Variants in GCC2 observed in about 807,000 individuals in gnomAD.
GCC2 encodes the protein GRIP and coiled-coil domain containing 2.
Under a neutral mutation model 210.6 loss-of-function variants are expected in GCC2, and 120 were observed. The observed-to-expected ratio is 0.57, with a 90% CI of 0.49 to 0.66. GCC2 has a LOEUF of 0.66. GCC2 is among the 30% of genes least tolerant of loss of function. The pLI is 0.00. For synonymous variants in GCC2, 703 were observed against 652.7 expected (o/e 1.08, Z -1.17); for missense variants, 1,868 against 1,871.9 (o/e 1.00, Z 0.04).
At chr2:108,467,521 C>T (rs761860912) in intron 4 of GCC2, among the ~76,000 whole-genome samples, 4 of 152,072 alleles carry the variant, frequency 2.6e-5, no homozygotes, top group Non-Finnish European at 5.9e-5. Flanking sequence ...CGCCTGTTAC[C>T]TAGGCTCAAA....
chr2:108,480,832 T>G (rs1483909497), intron 9 of GCC2, among the ~76,000 whole-genome samples: 2 of 151,142 alleles, frequency 1.3e-5, no homozygotes, highest in Admixed American at 1.3e-4. Context: ...GGTGAAATAA[T>G]CTGTACAACA....
In GCC2 at chr2:108,475,604, C is replaced by A; in HGVS notation, c.2930C>A (p.Ala977Glu). The A allele has an allele frequency of 6.5e-7, 1 of 1,539,076 alleles. No homozygotes were observed. Among genetic ancestry groups the A allele is most frequent in the Non-Finnish European group, 8.7e-7 (1 of 1,144,812 alleles). ...AAGATAAAATTAGTTGCCGTAAAGGCAAAGAAAGAACTAGATTCCAGCAGA... is the reference window on the plus strand; with the variant it reads ...AAGATAAAATTAGTTGCCGTAAAGGAAAAGAAAGAACTAGATTCCAGCAGA... ...INKIKLVAVK[A>E]KKELDSSRKE... Residue 977 changes from alanine to glutamate, a missense_variant, in exon 8 of 23, where the codon GCA becomes GAA. Ala to Glu is a moderately radical substitution (Grantham distance 107). Coordinates refer to ENST00000309863, the MANE Select transcript of GCC2 (RefSeq NM_181453.4).
At chr2:108,455,492 T>C (rs1454420912) in intron 4 of GCC2, among the ~76,000 whole-genome samples, 2 of 152,282 alleles carry the variant, frequency 1.3e-5, no homozygotes, top group East Asian at 3.9e-4. Context: ...AGGTTTTTTT[T>C]CTTTTCCTTC....
At chr2:108,456,885 G>A (rs1323858998) in intron 4 of GCC2, among the ~76,000 whole-genome samples, 6 of 151,586 alleles carry the variant, frequency 4.0e-5, no homozygotes, top group African/African-American at 1.5e-4. Flanking sequence ...GGAGGTTGAG[G>A]CTGCTGTGAG....
In GCC2 at chr2:108,486,507, C is replaced by G. The variant is rs755901966; in HGVS notation, c.3793-4C>G. On this transcript the variant is annotated splice_polypyrimidine_tract_variant and splice_region_variant and intron_variant, in intron 15 of 22. Transcript: ENST00000309863. ...TAAAGCTAAATTTAAAGATTTACCC[C>G]CAGATACAGCTGGCTGAAATAACAT... 1.9e-6 allele frequency: 3 copies of G among 1,613,906 alleles called. No individual in the cohort carries two copies. Among genetic ancestry groups the G allele is most frequent in the Non-Finnish European group, 1.7e-6 (2 of 1,179,872 alleles).
At chr2:108,473,853 G>A (rs1174176249) in intron 7 of GCC2, among the ~76,000 whole-genome samples, 9 of 152,022 alleles carry the variant, frequency 5.9e-5, no homozygotes, top group African/African-American at 2.2e-4. Context: ...TTAAAGAGTG[G>A]TCATTAAAAG....
At chr2:108,468,369 A>G (rs2718709) in intron 4 of GCC2, among the ~76,000 whole-genome samples, 28,714 of 151,978 alleles carry the variant, frequency 0.19, 3,022 homozygotes, top group African/African-American at 0.27. Context: ...CCCGACTTAC[A>G]TAGATATGCT....
In GCC2 at chr2:108,470,444, T is replaced by C. The variant is rs534102235; in HGVS notation, c.1115T>C (p.Ile372Thr). ...KLKLEMDAQH[I>T]KDEFFHERED... ...AAACTTGAAATGGATGCTCAACATATAAAGGATGAGTTTTTTCATGAACGG... is the reference window on the plus strand; with the variant it reads ...AAACTTGAAATGGATGCTCAACATACAAAGGATGAGTTTTTTCATGAACGG... The change falls in exon 6 of 23, where the codon ATA becomes ACA. Residue 372 changes from isoleucine (I) to threonine (T), a missense_variant. Around this residue, in one of 3 missense-constraint regions of GCC2, gnomAD observed 1,847 missense variants for 1,765.2 expected, o/e 1.05. Coordinates refer to ENST00000309863, the MANE Select transcript of GCC2 (RefSeq NM_181453.4). 2.5e-5 allele frequency: 40 copies of C among 1,607,076 alleles called. No homozygotes were observed. The South Asian group carries it at 3.2e-4, about 13-fold the overall frequency.
At position 108,489,797 on chromosome 2, in the gene GCC2, C is replaced by A. The variant is rs1682318543; in HGVS notation, c.4053-41C>A. The A allele has an allele frequency of 4.9e-6, 7 of 1,424,010 alleles. No homozygotes were observed. The South Asian group carries it at 8.0e-5, about 16-fold the overall frequency. The allele number at this position is 1,424,010 out of a possible 1,614,324, so 88.2% of individuals were successfully genotyped here. A position where few individuals can be genotyped will look rare whatever the true frequency, so the allele number is the denominator to read the frequency against. On this transcript the variant is annotated intron_variant, in intron 17 of 22. Coordinates refer to ENST00000309863, the MANE Select transcript of GCC2 (RefSeq NM_181453.4). ...ATTTAAAACCACAAAATCAAATTCA[C>A]CTTTTTCAAAAAATTTTAAAACTGT...
At chr2:108,467,424 A>T (rs1300693117) in intron 4 of GCC2, among the ~76,000 whole-genome samples, 1 of 152,204 alleles carries the variant, frequency 6.6e-6, no homozygotes, top group South Asian at 2.1e-4. Context: ...TTTTTTATAT[A>T]AACAGTCATA....
Position 108,492,728 on chromosome 2 carries a change from A to G in GCC2, c.4385A>G (p.Gln1462Arg), listed in dbSNP as rs1682467833. The change falls in exon 19 of 23, where the codon CAG becomes CGG. Residue 1462 changes from glutamine (Q) to arginine (R), a missense_variant. By Grantham distance (43) the Gln-to-Arg change is conservative (BLOSUM62 1). Transcript: ENST00000309863. ...EEHRKTVETL[Q>R]QQLSKMEAQL... ...CACAGAAAGACAGTGGAGACATTAC[A>G]GCAGCAGCTCTCCAAGATGGAAGCA... is the stretch of plus-strand genomic sequence containing the variant. 4 of 1,614,036 alleles carry G rather than the reference A, an allele frequency of 2.5e-6. No homozygotes were observed. Among genetic ancestry groups the G allele is most frequent in the Non-Finnish European group, 2.5e-6 (3 of 1,179,854 alleles).
At chr2:108,500,977 C>T (rs1682895995) in intron 22 of GCC2, among the ~76,000 whole-genome samples, 1 of 151,962 alleles carries the variant, frequency 6.6e-6, no homozygotes, top group African/African-American at 2.4e-5. Context: ...GTTGATGTTC[C>T]TTAAGCTTTA....
At chr2:108,453,514 G>A (rs921058331) in intron 4 of GCC2, among the ~76,000 whole-genome samples, 13 of 152,182 alleles carry the variant, frequency 8.5e-5, no homozygotes, top group African/African-American at 3.1e-4. Context: ...GCCAAATGCA[G>A]TGGCTCACAC....
intron 21 of GCC2, among the ~76,000 whole-genome samples, chr2:108,498,183 C>CTTTTTTTTTTTTTTTTTTTTTT (rs3084885): frequency 5.2e-5 from 3 of 57,478 alleles, no homozygotes; most frequent in African/African-American, 1.5e-4. Flanking sequence ...GTTATATTTT[C>CTTTTTTTTTTTTTTTTTTTTTT]TTTTTTTTTT....
At chr2:108,451,396 G>C (rs573246462) in intron 3 of GCC2, among the ~76,000 whole-genome samples, 1 of 152,272 alleles carries the variant, frequency 6.6e-6, no homozygotes, top group African/African-American at 2.4e-5. Context: ...GTAGACTTTA[G>C]ATTCTTCTGA....
chr2:108,469,837 C>T lies in GCC2; in HGVS notation c.508C>T (p.Leu170Phe), dbSNP rs1330573150. The stretch of plus-strand genomic sequence containing the variant: ...TACGCAATTAGAACTTTCAGAACAA[C>T]TTAAATTTCAGAACAACTCTGAAGA... ...MNTQLELSEQ[L>F]KFQNNSEDNV... The change falls in exon 6 of 23, where the codon CTT becomes TTT. Residue 170 changes from leucine (L) to phenylalanine (F), a missense_variant. Coordinates refer to ENST00000309863, the MANE Select transcript of GCC2 (RefSeq NM_181453.4). 2 of 1,613,006 alleles carry T rather than the reference C, an allele frequency of 1.2e-6. No individual in the cohort carries two copies. Among genetic ancestry groups the T allele is most frequent in the Admixed American group, 1.7e-5 (1 of 59,866 alleles).
intron 4 of GCC2, among the ~76,000 whole-genome samples, chr2:108,453,785 TAAAAAA>T (rs200197742): frequency 7.1e-6 from 1 of 141,780 alleles, no homozygotes; most frequent in East Asian, 2.1e-4. Flanking sequence ...ACTCCGTTTT[TAAAAAA>T]AAAAAAAAAA....
intron 13 of GCC2, 54 bp from the exon 14 acceptor site, chr2:108,485,582 T>C (rs2104483997): frequency 1.1e-6 from 1 of 923,228 alleles, no homozygotes; most frequent in East Asian, 2.5e-5. Context: ...TGTATTTAAA[T>C]TCACTGATAA....
chr2:108,492,581 C>T lies in GCC2; in HGVS notation c.4238C>T (p.Ser1413Leu). 1 of 1,603,132 alleles carries T rather than the reference C, an allele frequency of 6.2e-7. No homozygotes were observed. The highest frequency in any genetic ancestry group is 8.5e-7 in the Non-Finnish European group (1 of 1,170,112). Residue 1413 changes from serine to leucine, a missense_variant, in exon 19 of 23, where the codon TCA becomes TTA. By Grantham distance (145) the Ser-to-Leu change is moderately radical (BLOSUM62 -2). Coordinates refer to ENST00000309863, the MANE Select transcript of GCC2 (RefSeq NM_181453.4). ...KEAELREKLC[S>L]IQSENMMMKS... The stretch of plus-strand genomic sequence containing the variant: ...AGTTTCTCATCTTTCAGATTGTGTT[C>T]AATACAGTCAGAGAACATGATGATG...
Sources: allele counts gnomAD v4.1 joint callset (sites outside exome capture counted in the v4.1 genomes callset), GRCh38; gene constraint gnomAD v4.1.1; regional missense constraint gnomAD v4.1.1; transcripts MANE v1.5; gene names NCBI Gene and HGNC (gene_info 2026-07-23, HGNC 2026-07-21).